The following CDK5RAP2 variants were observed in gnomAD, a reference collection of about 807,000 sequenced individuals.
CDK5RAP2 encodes the protein CDK5 regulatory subunit-associated protein 2.
CDK5RAP2 carries 147 observed loss-of-function variants against 232.9 expected under a neutral mutation model. That is an observed-to-expected ratio of 0.63 (90% CI 0.55 to 0.72). The LOEUF (loss-of-function observed/expected upper bound fraction) is 0.72. CDK5RAP2 is among the 30% of genes least tolerant of loss of function. The pLI, the probability that CDK5RAP2 is intolerant of heterozygous loss-of-function variation, is 0.00. For missense variants in CDK5RAP2, 2,195 were observed against 2,231.5 expected (o/e 0.98, Z 0.33); for synonymous variants, 833 against 833.7 (o/e 1.00, Z 0.01).
intron 12 of CDK5RAP2, among the ~76,000 whole-genome samples, chr9:120,499,955 CATAAA>C (rs2039497663): frequency 6.6e-6 from 1 of 151,966 alleles, no homozygotes; most frequent in Non-Finnish European, 1.5e-5. Flanking sequence ...TTAATGATAA[CATAAA>C]AGAACAATTA....
At chr9:120,446,669 C>T (rs1488842721) in intron 22 of CDK5RAP2, among the ~76,000 whole-genome samples, 1 of 152,218 alleles carries the variant, frequency 6.6e-6, no homozygotes, top group African/African-American at 2.4e-5. Flanking sequence ...ACCTCATCTT[C>T]TACATACAAC....
chr9:120,460,445 G>A, intron 19 of CDK5RAP2, 127 bp downstream of exon 19: 1 of 841,348 alleles, frequency 1.2e-6, no homozygotes, highest in Admixed American at 2.1e-5. Context: ...GCTTTCCACT[G>A]GCACATGAAA....
At chr9:120,463,559 G>A (rs892005277) in intron 18 of CDK5RAP2, among the ~76,000 whole-genome samples, 3 of 152,170 alleles carry the variant, frequency 2.0e-5, no homozygotes, top group Non-Finnish European at 4.4e-5. Context: ...ATCCACATGG[G>A]GTTAGGAAAG....
intron 34 of CDK5RAP2, among the ~76,000 whole-genome samples, chr9:120,401,575 T>C (rs1374790279): frequency 1.6e-5 from 2 of 121,918 alleles, no homozygotes; most frequent in Non-Finnish European, 3.1e-5. Flanking sequence ...TCATGCCATG[T>C]ACCCCAGCCT....
chr9:120,457,302 C>T (rs774086484), intron 20 of CDK5RAP2, among the ~76,000 whole-genome samples: 12 of 152,180 alleles, frequency 7.9e-5, no homozygotes, highest in Admixed American at 2.0e-4. Flanking sequence ...CAGTTCACCA[C>T]GCTCCTACCA....
intron 14 of CDK5RAP2, among the ~76,000 whole-genome samples, chr9:120,479,908 A>G (rs1588445838): frequency 6.6e-6 from 1 of 152,162 alleles, no homozygotes; most frequent in Non-Finnish European, 1.5e-5. Context: ...GGCTGGGCTG[A>G]GGTTATACAG....
At chr9:120,412,536 G>C (rs1046287428) in intron 28 of CDK5RAP2, among the ~76,000 whole-genome samples, 1 of 152,178 alleles carries the variant, frequency 6.6e-6, no homozygotes, top group South Asian at 2.1e-4. Context: ...TGCTCTGGAC[G>C]CTGTCTGAGA....
chr9:120,415,725 G>C (rs1198210543), intron 27 of CDK5RAP2, among the ~76,000 whole-genome samples: 1 of 151,956 alleles, frequency 6.6e-6, no homozygotes, highest in Non-Finnish European at 1.5e-5. Context: ...GACCTTTTGG[G>C]GCTACTTCTA....
At position 120,536,428 on chromosome 9, in the gene CDK5RAP2, C is replaced by T. The variant is rs757526832; in HGVS notation, c.606G>A (p.Met202Ile). ...RLRLESKLSE[M>I]KKMHEGDLAM... ...CCAAGTCCCCCTCGTGCATCTTCTTCATCTCTGAAAGCTTGCTTTCCAAAC... is the reference window on the plus strand; with the variant it reads ...CCAAGTCCCCCTCGTGCATCTTCTTTATCTCTGAAAGCTTGCTTTCCAAAC... Residue 202 changes from methionine (M) to isoleucine (I), a missense_variant, in exon 7 of 38, where the codon ATG becomes ATA. By Grantham distance (10) the Met-to-Ile change is conservative (BLOSUM62 1). Coordinates refer to ENST00000349780, the MANE Select transcript of CDK5RAP2 (RefSeq NM_018249.6). The T allele has an allele frequency of 6.2e-7, 1 of 1,614,210 alleles. No homozygotes were observed. The highest frequency in any genetic ancestry group is 1.1e-5 in the South Asian group (1 of 91,086).
At chr9:120,482,530 A>C (rs2038379648) in intron 14 of CDK5RAP2, among the ~76,000 whole-genome samples, 1 of 152,144 alleles carries the variant, frequency 6.6e-6, no homozygotes, top group Non-Finnish European at 1.5e-5. Context: ...GGCACACTCC[A>C]GGGCACTTCA....
chr9:120,517,369 G>A (rs1467777368), intron 12 of CDK5RAP2, among the ~76,000 whole-genome samples: 1 of 152,126 alleles, frequency 6.6e-6, no homozygotes, highest in Non-Finnish European at 1.5e-5. Context: ...GCAGCCACCA[G>A]AGAACTAACC....
chr9:120,427,162 A>T (rs748690551), intron 25 of CDK5RAP2, among the ~76,000 whole-genome samples: 1 of 152,254 alleles, frequency 6.6e-6, no homozygotes, highest in Non-Finnish European at 1.5e-5. Context: ...CCAGAAATTT[A>T]AAAATGAGAG....
intron 22 of CDK5RAP2, among the ~76,000 whole-genome samples, chr9:120,445,249 G>A (rs746023909): frequency 3.9e-5 from 6 of 152,042 alleles, no homozygotes; most frequent in Non-Finnish European, 7.4e-5. Flanking sequence ...TTTGCTCCTC[G>A]CTGCCACTTC....
At chr9:120,436,922 G>C (rs548103095) in intron 25 of CDK5RAP2, among the ~76,000 whole-genome samples, 1 of 151,644 alleles carries the variant, frequency 6.6e-6, no homozygotes, top group African/African-American at 2.4e-5. Flanking sequence ...AAACACATGA[G>C]TTTTCACAAA....
chr9:120,454,519 A>G (rs1229483412), intron 20 of CDK5RAP2, among the ~76,000 whole-genome samples: 1 of 152,228 alleles, frequency 6.6e-6, no homozygotes, highest in Non-Finnish European at 1.5e-5. Flanking sequence ...ATTAAACAAG[A>G]TAGTGTATAG....
chr9:120,494,090 TAAAAAAAAAA>T (rs532352159), intron 12 of CDK5RAP2, among the ~76,000 whole-genome samples: 1 of 119,270 alleles, frequency 8.4e-6, no homozygotes, highest in Non-Finnish European at 1.8e-5. Flanking sequence ...AGACTCAGTT[TAAAAAAAAAA>T]AAAAAAAAAG....
chr9:120,398,303 C>T (rs2032699156), intron 35 of CDK5RAP2, among the ~76,000 whole-genome samples: 1 of 152,094 alleles, frequency 6.6e-6, no homozygotes, highest in South Asian at 2.1e-4. Context: ...AGTAAAAAAT[C>T]AGTTCCCAAT....
At chr9:120,440,897 C>T (rs964256870) in intron 23 of CDK5RAP2, among the ~76,000 whole-genome samples, 1 of 152,190 alleles carries the variant, frequency 6.6e-6, no homozygotes, top group African/African-American at 2.4e-5. Context: ...CCAGGAGATG[C>T]CCTGACATCC....
chr9:120,524,420 C>T (rs914711913), intron 11 of CDK5RAP2, among the ~76,000 whole-genome samples: 4 of 152,162 alleles, frequency 2.6e-5, no homozygotes, highest in African/African-American at 9.7e-5. Flanking sequence ...GTGGGTGAAT[C>T]ACTTGAGGTT....
Sources: gnomAD v4.1 joint callset for allele counts (sites outside exome capture counted in the v4.1 genomes callset) on GRCh38, gnomAD v4.1.1 for gene constraint, MANE v1.5 for transcripts, NCBI Gene and HGNC (gene_info 2026-07-23, HGNC 2026-07-21) for gene names.